The following TNR variants were observed in gnomAD, a reference collection of about 807,000 sequenced individuals.
TNR encodes tenascin-R.
A neutral mutation model predicts 150.4 loss-of-function variants in TNR; 45 were observed. The ratio of observed to expected loss-of-function variants is 0.30; its 90% CI spans 0.24 to 0.38. The LOEUF is 0.38. Among genes scored for constraint, TNR ranks in the 10% least tolerant of loss-of-function variants. The pLI is 1.00. For missense variants in TNR, 1,544 were observed against 1,759.1 expected (o/e 0.88, Z 2.19); for synonymous variants, 687 against 678.4 (o/e 1.01, Z -0.20).
At chr1:175,742,326 T>A (rs1041755843) in intron 1 of TNR, among the ~76,000 whole-genome samples, 5 of 152,198 alleles carry the variant, frequency 3.3e-5, no homozygotes, top group African/African-American at 9.7e-5. Context: ...AAGTCTAATT[T>A]TGTTTCTGCT....
chr1:175,411,619 A>G (rs151110997), intron 2 of TNR, among the ~76,000 whole-genome samples: 4 of 151,218 alleles, frequency 2.6e-5, no homozygotes, highest in Non-Finnish European at 5.9e-5. Flanking sequence ...TTGTAGGTGC[A>G]TCACTCCCGT....
intron 1 of TNR, among the ~76,000 whole-genome samples, chr1:175,646,409 T>C (rs1385564923): frequency 3.9e-5 from 6 of 152,210 alleles, no homozygotes; most frequent in Non-Finnish European, 8.8e-5. Context: ...CAGTGCCAGG[T>C]AGAATTCTTG....
At chr1:175,542,258 C>A (rs1303010870) in intron 1 of TNR, among the ~76,000 whole-genome samples, 1 of 152,158 alleles carries the variant, frequency 6.6e-6, no homozygotes, top group Admixed American at 6.5e-5. Flanking sequence ...AAATACTATA[C>A]CCCTCCTCTC....
intron 8 of TNR, among the ~76,000 whole-genome samples, chr1:175,382,842 A>C (rs1339697649): frequency 6.6e-6 from 1 of 151,658 alleles, no homozygotes; most frequent in African/African-American, 2.4e-5. Context: ...CGGAGGTTGC[A>C]GTGAGCTGAG....
intron 1 of TNR, among the ~76,000 whole-genome samples, chr1:175,595,643 A>G (rs1263986125): frequency 6.6e-6 from 1 of 152,190 alleles, no homozygotes; most frequent in Non-Finnish European, 1.5e-5. Flanking sequence ...TTTTAAGTCT[A>G]TAGTAGACCC....
chr1:175,446,340 TC>T (rs1358691550), intron 2 of TNR, among the ~76,000 whole-genome samples: 1 of 152,210 alleles, frequency 6.6e-6, no homozygotes, highest in Admixed American at 6.5e-5. Context: ...CTCTGTCACA[TC>T]TTCCTTTGAG....
chr1:175,637,851 T>A (rs1358155338), intron 1 of TNR, among the ~76,000 whole-genome samples: 1 of 152,194 alleles, frequency 6.6e-6, no homozygotes, highest in East Asian at 1.9e-4. Flanking sequence ...TTCTTATCTG[T>A]ACATGTGGCC....
At chr1:175,731,843 C>G (rs184710650) in intron 1 of TNR, among the ~76,000 whole-genome samples, 8 of 152,340 alleles carry the variant, frequency 5.3e-5, no homozygotes, top group African/African-American at 1.7e-4. Context: ...AGCTTCTAAC[C>G]CAGCCTGCAC....
rs1377820176 is a variant in TNR at position 175,656,182 on chromosome 1, GTGTGTGTGTA to G, written c.-165+87034_-165+87043del. ...TGTGTGTGTGTGTGTGTGTGTGTGTGTGTGTGTGTATGTGGTCTACCTTTTTCTAATTTGC... is the reference window on the plus strand; with the variant it reads ...TGTGTGTGTGTGTGTGTGTGTGTGTGTGTGGTCTACCTTTTTCTAATTTGC... On this transcript the variant is annotated intron_variant, in intron 1 of 22. Transcript: ENST00000367674. Among the ~76,000 whole-genome samples the G allele has an allele frequency of 9.3e-4, 136 of 146,160 alleles. 1 individual carries two copies. The highest frequency in any genetic ancestry group is 3.1e-3 in the African/African-American group (112 of 36,468).
intron 2 of TNR, among the ~76,000 whole-genome samples, chr1:175,479,766 A>G (rs1657698650): frequency 6.6e-6 from 1 of 151,984 alleles, no homozygotes; most frequent in Non-Finnish European, 1.5e-5. Flanking sequence ...TGTCCCTCTG[A>G]TATGCTTTGT....
At position 175,338,675 on chromosome 1, in the gene TNR, C is replaced by T. The variant is rs192724488; in HGVS notation, c.3383-996G>A. Reference sequence around the variant, plus strand: ...GAGGGACCGCACGTGTCAGTTACTGCAGTATACCCTAGTGGCAGAACCGGT... The same window carrying T: ...GAGGGACCGCACGTGTCAGTTACTGTAGTATACCCTAGTGGCAGAACCGGT... On this transcript the variant is annotated intron_variant, in intron 18 of 22. Coordinates refer to ENST00000367674, the MANE Select transcript of TNR (RefSeq NM_003285.3). 3.9e-5 allele frequency among the ~76,000 whole-genome samples: 6 copies of T among 152,256 alleles called. No individual in the cohort carries two copies. The East Asian group carries it at 1.2e-3, about 29-fold the overall frequency.
intron 2 of TNR, among the ~76,000 whole-genome samples, chr1:175,451,491 G>A (rs1656318408): frequency 6.6e-6 from 1 of 151,582 alleles, no homozygotes; most frequent in South Asian, 2.1e-4. Flanking sequence ...CAGCCTCCAG[G>A]CCTCCAGTCT....
At chr1:175,576,446 C>A (rs774380139) in intron 1 of TNR, among the ~76,000 whole-genome samples, 9 of 152,156 alleles carry the variant, frequency 5.9e-5, no homozygotes, top group Non-Finnish European at 1.2e-4. Context: ...ACTGGTACCA[C>A]CCTTGCACAG....
At chr1:175,536,583 C>T (rs761387930) in intron 1 of TNR, among the ~76,000 whole-genome samples, 83 of 152,208 alleles carry the variant, frequency 5.5e-4, no homozygotes, top group Non-Finnish European at 1.0e-3. Context: ...TTTGTCCTTC[C>T]TTCTGGTAGC....
At chr1:175,445,964 C>A (rs1041355585) in intron 2 of TNR, among the ~76,000 whole-genome samples, 1 of 152,150 alleles carries the variant, frequency 6.6e-6, no homozygotes, top group East Asian at 1.9e-4. Context: ...GGGAAACACA[C>A]GGTTCCTGTG....
chr1:175,598,423 A>G (rs1160245575), intron 1 of TNR, among the ~76,000 whole-genome samples: 2 of 152,218 alleles, frequency 1.3e-5, no homozygotes, highest in Non-Finnish European at 2.9e-5. Flanking sequence ...TAGAGGTGCT[A>G]TTTTCCATGG....
chr1:175,477,218 A>G (rs1657582787), intron 2 of TNR, among the ~76,000 whole-genome samples: 1 of 152,216 alleles, frequency 6.6e-6, no homozygotes, highest in Non-Finnish European at 1.5e-5. Flanking sequence ...TTCACAGAGA[A>G]GCTCACATAT....
At chr1:175,656,125 C>T (rs74127392) in intron 1 of TNR, among the ~76,000 whole-genome samples, 209 of 133,830 alleles carry the variant, frequency 1.6e-3, no homozygotes, top group African/African-American at 5.2e-3. Flanking sequence ...CAGGGGAAGA[C>T]GGGGAGGAAG....
At chr1:175,607,696 T>C (rs1479557230) in intron 1 of TNR, among the ~76,000 whole-genome samples, 1 of 152,206 alleles carries the variant, frequency 6.6e-6, no homozygotes, top group Non-Finnish European at 1.5e-5. Context: ...TGAAGAACAG[T>C]ACGCCAGAGG....
Sources: gnomAD v4.1 joint callset for allele counts (sites outside exome capture counted in the v4.1 genomes callset) on GRCh38, gnomAD v4.1.1 for gene constraint, MANE v1.5 for transcripts, NCBI Gene and HGNC (gene_info 2026-07-23, HGNC 2026-07-21) for gene names.